CYP2C19: variants seen among roughly 807,000 people sequenced by gnomAD.
CYP2C19 encodes the protein cytochrome P450 family 2 subfamily C member 19, also known as cytochrome P450 2C19.
A neutral mutation model predicts 40.9 loss-of-function variants in CYP2C19; 59 were observed. The observed-to-expected ratio is 1.44, with a 90% CI of 1.17 to 1.79. The LOEUF (loss-of-function observed/expected upper bound fraction) is 1.79, where lower values mean the gene tolerates loss of function less well. CYP2C19 is among the 40% of genes most tolerant of loss of function. The pLI is 0.00. For synonymous variants in CYP2C19, 253 were observed against 208.7 expected (o/e 1.21, Z -1.83); for missense variants, 754 against 596.9 (o/e 1.26, Z -2.74).
chr10:94,840,680 G>A (rs1410994018), intron 6 of CYP2C19, among the ~76,000 whole-genome samples: 1 of 152,314 alleles, frequency 6.6e-6, no homozygotes, highest in East Asian at 1.9e-4. Flanking sequence ...GAGACTTCTG[G>A]CTGCGCCATG....
chr10:94,762,803 C>CTA lies in CYP2C19; in HGVS notation c.98_99insTA (p.Pro35LeufsTer5), dbSNP rs1848190042. 9 of 1,613,496 alleles carry CTA rather than the reference C, an allele frequency of 5.6e-6. No homozygotes were observed. The East Asian group carries it at 1.8e-4, about 32-fold the overall frequency. ...GGGAGAGGAAAACTCCCTCCTGGCC[C>CTA]CACTCCTCTCCCAGTGATTGGAAAT... On this transcript the variant is annotated frameshift_variant, in exon 1 of 9. Transcript: ENST00000371321. LOFTEE classifies it high-confidence loss of function.
intron 5 of CYP2C19, among the ~76,000 whole-genome samples, chr10:94,810,285 C>G (rs955850402): frequency 3.9e-5 from 6 of 152,160 alleles, no homozygotes; most frequent in African/African-American, 1.4e-4. Context: ...TTCAGTTTGC[C>G]AGTATTTTGT....
Position 94,780,576 on chromosome 10 carries a change from T to A in CYP2C19, c.559T>A (p.Phe187Ile). ...VICSIIFQKRFDYKDQQFLNL... is the reference protein window; with the variant it reads ...VICSIIFQKRIDYKDQQFLNL... ...CTGCTCCATTATTTTCCAGAAACGTTTCGATTATAAAGATCAGCAATTTCT... is the reference window on the plus strand; with the variant it reads ...CTGCTCCATTATTTTCCAGAAACGTATCGATTATAAAGATCAGCAATTTCT... Residue 187 changes from phenylalanine (F) to isoleucine (I), a missense_variant, in exon 4 of 9, where the codon TTC (phenylalanine) becomes ATC (isoleucine). Physicochemically the swap from Phe to Ile is conservative, Grantham distance 21. Transcript: ENST00000371321. 6.2e-7 allele frequency: 1 copy of A among 1,613,928 alleles called. No homozygotes were observed. Among genetic ancestry groups the A allele is most frequent in the Non-Finnish European group, 8.5e-7 (1 of 1,179,932 alleles).
chr10:94,836,655 G>A (rs74154111), intron 6 of CYP2C19, among the ~76,000 whole-genome samples: 3,130 of 152,336 alleles, frequency 0.021, 112 homozygotes, highest in African/African-American at 0.063. Context: ...TTGGGATGAG[G>A]ATAAGCCAGA....
At position 94,853,124 on chromosome 10, in the gene CYP2C19, G is replaced by A; in HGVS notation, c.*210G>A. 1 of 567,454 alleles carries A rather than the reference G, an allele frequency of 1.8e-6. No homozygotes were observed. The highest frequency in any genetic ancestry group is 3.1e-6 in the Non-Finnish European group (1 of 323,784). 35.2% of individuals were successfully genotyped at this position (567,454 alleles called of 1,614,324 possible). ...ATACTCTATAATAGTTACATTGAGT[G>A]CCACATAATGCTGATACTTGTCTAA... On this transcript the variant is annotated 3_prime_UTR_variant, in exon 9 of 9. Transcript: ENST00000371321.
intron 7 of CYP2C19, among the ~76,000 whole-genome samples, chr10:94,846,007 TATA>T (rs924735176): frequency 2.0e-5 from 3 of 152,122 alleles, no homozygotes; most frequent in Admixed American, 6.5e-5. Context: ...TTTTCTCCTA[TATA>T]ATAATAATAG....
chr10:94,783,559 A>C (rs1848504851), intron 5 of CYP2C19, among the ~76,000 whole-genome samples: 1 of 152,086 alleles, frequency 6.6e-6, no homozygotes, highest in Admixed American at 6.6e-5. Context: ...CCTCCTATTG[A>C]ATTGTCTTGA....
chr10:94,779,549 C>CTTTTT (rs1396644518), intron 3 of CYP2C19, among the ~76,000 whole-genome samples: 6 of 25,574 alleles, frequency 2.3e-4, no homozygotes, highest in East Asian at 2.0e-3. Flanking sequence ...TACTTTTTTT[C>CTTTTT]CTTTTTCTTT....
At chr10:94,818,261 G>A (rs1279171530) in intron 5 of CYP2C19, among the ~76,000 whole-genome samples, 2 of 146,028 alleles carry the variant, frequency 1.4e-5, no homozygotes, top group Non-Finnish European at 3.0e-5. Context: ...CTCTGTTTTG[G>A]TACCAGTACC....
At chr10:94,840,207 C>T (rs1849470932) in intron 6 of CYP2C19, among the ~76,000 whole-genome samples, 2 of 151,466 alleles carry the variant, frequency 1.3e-5, no homozygotes. Flanking sequence ...TTTACCCTGG[C>T]TTTTAAAGGA....
At chr10:94,818,012 C>CAAAA (rs71031597) in intron 5 of CYP2C19, among the ~76,000 whole-genome samples, 4 of 77,162 alleles carry the variant, frequency 5.2e-5, no homozygotes, top group African/African-American at 2.0e-4. Flanking sequence ...GACTCCATCT[C>CAAAA]AAAAAAAAAA....
chr10:94,821,368 T>C (rs577199738), intron 6 of CYP2C19, among the ~76,000 whole-genome samples: 15 of 152,106 alleles, frequency 9.9e-5, no homozygotes, highest in Non-Finnish European at 1.9e-4. Flanking sequence ...AATGCTGGAG[T>C]AGGGAAAATG....
At chr10:94,799,666 C>A (rs1375864304) in intron 5 of CYP2C19, among the ~76,000 whole-genome samples, 1 of 152,144 alleles carries the variant, frequency 6.6e-6, no homozygotes, top group Non-Finnish European at 1.5e-5. Flanking sequence ...TTCACATAGT[C>A]CAATATTTCT....
intron 5 of CYP2C19, among the ~76,000 whole-genome samples, chr10:94,803,099 G>T (rs1564670071): frequency 6.6e-6 from 1 of 152,160 alleles, no homozygotes; most frequent in Non-Finnish European, 1.5e-5. Flanking sequence ...TGGGGAGTTA[G>T]TGTGGTCTTT....
intron 5 of CYP2C19, among the ~76,000 whole-genome samples, chr10:94,788,362 T>C (rs1848569431): frequency 6.6e-6 from 1 of 152,090 alleles, no homozygotes. Flanking sequence ...AGATTAGCCT[T>C]GTACTCTTGA....
intron 6 of CYP2C19, among the ~76,000 whole-genome samples, chr10:94,823,755 T>G (rs1372765287): frequency 6.6e-6 from 1 of 152,204 alleles, no homozygotes; most frequent in Non-Finnish European, 1.5e-5. Context: ...ACTTGCACAT[T>G]TGCCAAAATT....
intron 5 of CYP2C19, among the ~76,000 whole-genome samples, chr10:94,818,806 T>C (rs985409638): frequency 6.6e-6 from 1 of 151,140 alleles, no homozygotes; most frequent in Admixed American, 6.6e-5. Flanking sequence ...ACGATGGGGT[T>C]TTCTAGATAA....
intron 6 of CYP2C19, among the ~76,000 whole-genome samples, chr10:94,831,154 T>A (rs1415145172): frequency 6.6e-6 from 1 of 152,262 alleles, no homozygotes; most frequent in Non-Finnish European, 1.5e-5. Context: ...CTGGCTTATT[T>A]CACTTAACAT....
At chr10:94,788,000 C>T (rs1180879940) in intron 5 of CYP2C19, among the ~76,000 whole-genome samples, 1 of 152,074 alleles carries the variant, frequency 6.6e-6, no homozygotes, top group East Asian at 1.9e-4. Context: ...AATCCATAAG[C>T]ATGAACTGTT....
Sources: gnomAD v4.1 joint callset for allele counts (sites outside exome capture counted in the v4.1 genomes callset) on GRCh38, gnomAD v4.1.1 for gene constraint, MANE v1.5 for transcripts, NCBI Gene and HGNC (gene_info 2026-07-23, HGNC 2026-07-21) for gene names.